C2orf92: variants seen among roughly 807,000 people sequenced by gnomAD.
C2orf92 encodes uncharacterized protein C2orf92.
intron 5 of C2orf92, among the ~76,000 whole-genome samples, chr2:97,695,973 G>T (rs571922979): frequency 6.6e-6 from 1 of 152,140 alleles, no homozygotes; most frequent in South Asian, 2.1e-4. Context: ...TCCCCCATGA[G>T]GTTGCAGTCA....
At chr2:97,683,120 A>G (rs1226708192) in intron 3 of C2orf92, among the ~76,000 whole-genome samples, 1 of 152,060 alleles carries the variant, frequency 6.6e-6, no homozygotes, top group Non-Finnish European at 1.5e-5. Context: ...ACACAAACAT[A>G]TTAAAACCAG....
At chr2:97,699,877 T>C (rs1480203286) in intron 6 of C2orf92, among the ~76,000 whole-genome samples, 1 of 152,258 alleles carries the variant, frequency 6.6e-6, no homozygotes, top group Non-Finnish European at 1.5e-5. Context: ...GCCTTAGAGC[T>C]GCTGGATACG....
At chr2:97,689,717 T>C (rs1351993025) in intron 4 of C2orf92, among the ~76,000 whole-genome samples, 1 of 152,218 alleles carries the variant, frequency 6.6e-6, no homozygotes, top group African/African-American at 2.4e-5. Context: ...CCAGGACAAC[T>C]GCCTGGGCAC....
At chr2:97,679,126 AGCCCTTC>A (rs1282473460) in intron 3 of C2orf92, among the ~76,000 whole-genome samples, 4 of 152,034 alleles carry the variant, frequency 2.6e-5, no homozygotes, top group African/African-American at 9.7e-5. Flanking sequence ...TGGCAAAGAG[AGCCCTTC>A]AGGCTGAGAT....
At chr2:97,670,064 G>T (rs186034122) in intron 1 of C2orf92, 183 of 380,262 alleles carry the variant, frequency 4.8e-4, no homozygotes, top group African/African-American at 3.2e-3. Flanking sequence ...ATAGGAGGGT[G>T]GCATACATGC....
upstream of C2orf92, chr2:97,666,943 G>C (rs1675252148): frequency 1.3e-5 from 2 of 151,852 alleles, no homozygotes; most frequent in Middle Eastern, 3.4e-3. Context: ...CCCCCCGTCA[G>C]CTCCTACCCC....
intron 5 of C2orf92, among the ~76,000 whole-genome samples, chr2:97,690,841 A>G (rs552202181): frequency 6.8e-6 from 1 of 146,528 alleles, no homozygotes; most frequent in South Asian, 2.2e-4. Flanking sequence ...GTACAGTGGC[A>G]CCATCTCAGC....
intron 3 of C2orf92, among the ~76,000 whole-genome samples, chr2:97,678,292 A>G (rs1404887914): frequency 3.3e-5 from 5 of 152,002 alleles, no homozygotes. Context: ...AAAAAAAAAG[A>G]AAATGAATTG....
intron 3 of C2orf92, among the ~76,000 whole-genome samples, chr2:97,683,963 C>T (rs1285109064): frequency 6.7e-6 from 1 of 149,772 alleles, no homozygotes; most frequent in Admixed American, 6.7e-5. Context: ...CTCCTGGGTT[C>T]ACGCCATTCT....
chr2:97,681,106 CAAA>C (rs58856044), intron 3 of C2orf92, among the ~76,000 whole-genome samples: 6 of 11,962 alleles, frequency 5.0e-4, no homozygotes, highest in Non-Finnish European at 1.2e-3. Context: ...GACTCCATCT[CAAA>C]AAAAAAAAAA....
intron 6 of C2orf92, among the ~76,000 whole-genome samples, chr2:97,699,591 G>A (rs1676429387): frequency 6.6e-6 from 1 of 152,112 alleles, no homozygotes. Flanking sequence ...GGCAACAAGA[G>A]CGAGACTCAA....
intron 5 of C2orf92, among the ~76,000 whole-genome samples, chr2:97,692,599 AG>A (rs1384546074): frequency 6.6e-6 from 1 of 151,942 alleles, no homozygotes; most frequent in African/African-American, 2.4e-5. Context: ...TATTAGAGAC[AG>A]GGTTTCACCA....
At chr2:97,691,329 G>A (rs1676129189) in intron 5 of C2orf92, among the ~76,000 whole-genome samples, 1 of 152,176 alleles carries the variant, frequency 6.6e-6, no homozygotes, top group Non-Finnish European at 1.5e-5. Context: ...AACTGACCTG[G>A]GCAGGTCCTT....
intron 4 of C2orf92, 93 bp from the exon 5 acceptor site, chr2:97,690,163 A>G (rs1012034683): frequency 8.0e-5 from 31 of 387,440 alleles, no homozygotes; most frequent in African/African-American, 2.5e-4. Context: ...AAACCAAAAA[A>G]TGGAATACAA....
intron 5 of C2orf92, chr2:97,690,868 C>G (rs1201328628): frequency 6.6e-6 from 1 of 150,464 alleles, no homozygotes; most frequent in Non-Finnish European, 1.5e-5. Flanking sequence ...CAAACTCTGT[C>G]TCCTGGGTTC....
intron 3 of C2orf92, among the ~76,000 whole-genome samples, chr2:97,687,109 A>T (rs1326530767): frequency 2.6e-5 from 4 of 152,074 alleles, no homozygotes; most frequent in Non-Finnish European, 5.9e-5. Context: ...TCATGCCTGT[A>T]ATTTCAACAC....
At chr2:97,669,151 C>T (rs949736468), upstream of C2orf92, 1 of 151,244 alleles carries the variant, frequency 6.6e-6, no homozygotes, top group Non-Finnish European at 1.5e-5. Flanking sequence ...CCTTTGAAAA[C>T]AGTTTAATAC....
chr2:97,684,690 G>A (rs1293368538), intron 3 of C2orf92, among the ~76,000 whole-genome samples: 2 of 152,162 alleles, frequency 1.3e-5, no homozygotes. Context: ...GAGAGAAAAT[G>A]TTTGCAATTC....
intron 5 of C2orf92, among the ~76,000 whole-genome samples, chr2:97,698,785 C>G (rs919701875): frequency 2.0e-5 from 3 of 152,076 alleles, no homozygotes; most frequent in Non-Finnish European, 4.4e-5. Context: ...GATGCACGCT[C>G]GAGTGTAAGA....
Sources: gnomAD v4.1 joint callset for allele counts (sites outside exome capture counted in the v4.1 genomes callset) on GRCh38, gnomAD v4.1.1 for gene constraint, MANE v1.5 for transcripts, NCBI Gene and HGNC (gene_info 2026-07-23, HGNC 2026-07-21) for gene names.